Variants in MICAL3 observed in about 807,000 individuals in gnomAD.
MICAL3 encodes microtubule associated monooxygenase, calponin and LIM domain containing 3, also known as [F-actin]-monooxygenase MICAL3.
In MICAL3, 62 loss-of-function variants were observed where a neutral mutation model predicts 207.4. That is an observed-to-expected ratio of 0.30 (90% CI 0.24 to 0.37). MICAL3 has a LOEUF of 0.37. Among genes scored for constraint, MICAL3 ranks in the 10% least tolerant of loss-of-function variants. The probability of loss-of-function intolerance (pLI) is 1.00; values close to 1 mark genes in which losing one functional copy is unlikely to be tolerated. For missense variants in MICAL3, 2,368 were observed against 2,635.6 expected (o/e 0.90, Z 2.22); for synonymous variants, 1,077 against 1,069.3 (o/e 1.01, Z -0.14).
At chr22:17,844,959 C>T (rs73384574) in intron 19 of MICAL3, among the ~76,000 whole-genome samples, 4,269 of 152,272 alleles carry the variant, frequency 0.028, 156 homozygotes, top group African/African-American at 0.087. Flanking sequence ...CCAGTCTTCC[C>T]ATCCCTTCCT....
Position 17,953,479 on chromosome 22 carries a change from G to A in MICAL3, c.-74-46593C>T, listed in dbSNP as rs1441051443. The stretch of plus-strand genomic sequence containing the variant: ...TACAGAAAGGTCATGTTAAGGCCTG[G>A]GGGAATGTCCAAGCCCCCTAGAAGG... On this transcript the variant is annotated intron_variant, in intron 1 of 31. Transcript: ENST00000441493. Among the ~76,000 whole-genome samples, 11 of 152,228 alleles carry A rather than the reference G, an allele frequency of 7.2e-5. No individual in the cohort carries two copies. In the East Asian group the frequency reaches 1.9e-3, roughly 27 times the overall value.
At chr22:17,816,523 C>T (rs577668567) in intron 27 of MICAL3, among the ~76,000 whole-genome samples, 167 bp downstream of exon 27, 9 of 152,368 alleles carry the variant, frequency 5.9e-5, no homozygotes, top group East Asian at 1.9e-4. Context: ...GAAAGCCCAG[C>T]GTGACCGCCT....
chr22:17,808,516 C>T (rs2062010738), intron 29 of MICAL3, among the ~76,000 whole-genome samples: 1 of 152,194 alleles, frequency 6.6e-6, no homozygotes. Context: ...CAATCTCCCT[C>T]ACTCCCAGTT....
At chr22:17,856,894 T>C (rs561699702) in intron 19 of MICAL3, among the ~76,000 whole-genome samples, 7 of 152,306 alleles carry the variant, frequency 4.6e-5, no homozygotes, top group African/African-American at 1.7e-4. Context: ...GTGCTGGGAT[T>C]ACAGGCGTGA....
At chr22:17,881,937 A>C (rs181774321) in intron 16 of MICAL3, among the ~76,000 whole-genome samples, 1 of 152,168 alleles carries the variant, frequency 6.6e-6, no homozygotes, top group Admixed American at 6.5e-5. Context: ...GTCTGTCTAC[A>C]ATTTACAAAG....
chr22:17,849,736 C>A (rs1490363895), intron 19 of MICAL3, among the ~76,000 whole-genome samples: 1 of 143,352 alleles, frequency 7.0e-6, no homozygotes, highest in Non-Finnish European at 1.5e-5. Flanking sequence ...ACCCTGTCAC[C>A]CAAGCTGGAG....
At chr22:17,950,193 G>A (rs998823325) in intron 1 of MICAL3, among the ~76,000 whole-genome samples, 6 of 142,604 alleles carry the variant, frequency 4.2e-5, no homozygotes, top group Admixed American at 4.1e-4. Flanking sequence ...CAAGAGTCTC[G>A]CTCTGTTACC....
intron 29 of MICAL3, among the ~76,000 whole-genome samples, chr22:17,798,435 CG>C (rs1189844495): frequency 1.3e-5 from 2 of 152,156 alleles, no homozygotes; most frequent in African/African-American, 4.8e-5. Context: ...CTGAGGATCA[CG>C]CTCCAAGGCG....
intron 1 of MICAL3, among the ~76,000 whole-genome samples, chr22:17,994,958 A>C (rs191992117): frequency 6.6e-6 from 1 of 152,136 alleles, no homozygotes; most frequent in Admixed American, 6.6e-5. Flanking sequence ...GACGTGCCTA[A>C]TGCAGGAAGA....
chr22:17,907,654 ACT>A (rs1167103024), intron 1 of MICAL3, among the ~76,000 whole-genome samples: 1 of 152,142 alleles, frequency 6.6e-6, no homozygotes, highest in Non-Finnish European at 1.5e-5. Context: ...AGAGCCGCAG[ACT>A]CTGGAAGAGA....
At chr22:17,917,189 T>C (rs781593635) in intron 1 of MICAL3, among the ~76,000 whole-genome samples, 1 of 152,170 alleles carries the variant, frequency 6.6e-6, no homozygotes, top group Non-Finnish European at 1.5e-5. Flanking sequence ...TTAATATTTA[T>C]TTCCTCTCTC....
intron 16 of MICAL3, among the ~76,000 whole-genome samples, chr22:17,872,438 TG>T (rs1388967192): frequency 6.6e-6 from 1 of 152,008 alleles, no homozygotes. Flanking sequence ...AACACACACA[TG>T]GAAGAAGGCA....
At chr22:17,832,182 T>C in intron 20 of MICAL3, 75 bp from the exon 21 acceptor site, 1 of 1,504,502 alleles carries the variant, frequency 6.6e-7, no homozygotes, top group Non-Finnish European at 8.9e-7. Context: ...AGGGCCACCA[T>C]CAGAAACAAT....
At chr22:17,958,696 G>GTTTTTTTT (rs1569147160) in intron 1 of MICAL3, among the ~76,000 whole-genome samples, 1 of 126,354 alleles carries the variant, frequency 7.9e-6, no homozygotes, top group African/African-American at 3.9e-5. Context: ...TGAGTTGTTG[G>GTTTTTTTT]GTTTTTTTAT....
At chr22:17,934,069 TC>T (rs777187117) in intron 1 of MICAL3, among the ~76,000 whole-genome samples, 12 of 152,162 alleles carry the variant, frequency 7.9e-5, no homozygotes, top group Non-Finnish European at 1.5e-4. Context: ...TACCATTCCT[TC>T]TGAAACTATT....
chr22:17,875,462 G>A (rs1258017783), intron 16 of MICAL3: 17 of 1,565,974 alleles, frequency 1.1e-5, no homozygotes, highest in African/African-American at 2.7e-5. Flanking sequence ...GGAGGGAGTC[G>A]GAGGAGGGAG....
At position 18,014,488 on chromosome 22, in the gene MICAL3, C is replaced by T. The variant is rs528080371; in HGVS notation, c.-75+9793G>A. On this transcript the variant is annotated intron_variant, in intron 1 of 31. Coordinates refer to ENST00000441493, the MANE Select transcript of MICAL3 (RefSeq NM_015241.3). ...CCTTCTTCCCCTTCCCTGTTTCCCA[C>T]TTCAAAAGAAAAAGCTCCATCACTT... is the stretch of plus-strand genomic sequence containing the variant. 7.3e-5 allele frequency among the ~76,000 whole-genome samples: 11 copies of T among 151,504 alleles called. No individual in the cohort carries two copies. In the East Asian group the frequency reaches 1.9e-3, roughly 27 times the overall value.
chr22:17,830,507 TGATCATC>T (rs1290352655), intron 21 of MICAL3, among the ~76,000 whole-genome samples: 6 of 152,126 alleles, frequency 3.9e-5, no homozygotes, highest in Admixed American at 3.9e-4. Flanking sequence ...AGCTGCCGAG[TGATCATC>T]ATCAGATGGA....
intron 29 of MICAL3, among the ~76,000 whole-genome samples, chr22:17,799,982 A>ACACACACG (rs932512538): frequency 4.7e-5 from 7 of 147,648 alleles, no homozygotes; most frequent in African/African-American, 1.8e-4. Flanking sequence ...ACACACACAC[A>ACACACACG]CGCGTTGGGA....
Sources: allele counts gnomAD v4.1 joint callset (sites outside exome capture counted in the v4.1 genomes callset), GRCh38; gene constraint gnomAD v4.1.1; transcripts MANE v1.5; gene names NCBI Gene and HGNC (gene_info 2026-07-23, HGNC 2026-07-21).